ADNP2: variants seen among roughly 807,000 people sequenced by gnomAD.
The protein encoded by ADNP2 is activity-dependent neuroprotector homeobox protein 2.
In ADNP2, 8 loss-of-function variants were observed where a neutral mutation model predicts 16.4. The ratio of observed to expected loss-of-function variants is 0.49; its 90% CI spans 0.29 to 0.88. ADNP2 has a LOEUF of 0.88. ADNP2 is among the 40% of genes least tolerant of loss of function. The pLI, the probability that ADNP2 is intolerant of heterozygous loss-of-function variation, is 0.09. For missense variants in ADNP2, 1,397 were observed against 1,395.1 expected, an observed-to-expected ratio of 1.00 and a Z score of -0.02; for synonymous variants, 637 against 545.8, an observed-to-expected ratio of 1.17 and a Z score of -2.33.
Position 80,137,306 on chromosome 18 carries a change from T to A in ADNP2, c.1893T>A (p.Leu631=), listed in dbSNP as rs140555226. ...CTCTGCCGGTTCCCCCTGGAGGCCTTGCGACTGTCGCTCCGCCCCAGATGC... is the reference window on the plus strand; with the variant it reads ...CTCTGCCGGTTCCCCCTGGAGGCCTAGCGACTGTCGCTCCGCCCCAGATGC... ...SVTLPVPPGG[L]ATVAPPQMPI... The change falls in exon 4 of 4, where the codon CTT becomes CTA. Residue 631 remains leucine (L), a synonymous_variant. Transcript: ENST00000262198. The surrounding 1 kb of genome is among the most constrained non-coding windows in gnomAD (Gnocchi z 4.2). 12 of 1,613,822 alleles carry A rather than the reference T, an allele frequency of 7.4e-6. No homozygotes were observed. The African/African-American group carries it at 8.0e-5, about 11-fold the overall frequency.
At chr18:80,125,568 G>A (rs2052452803) in intron 2 of ADNP2, among the ~76,000 whole-genome samples, 1 of 152,120 alleles carries the variant, frequency 6.6e-6, no homozygotes, top group Admixed American at 6.6e-5. Flanking sequence ...GCGTGAACCT[G>A]GGAGGTGGAG....
chr18:80,129,807 G>A (rs2052484561), intron 2 of ADNP2, among the ~76,000 whole-genome samples: 1 of 152,224 alleles, frequency 6.6e-6, no homozygotes, highest in African/African-American at 2.4e-5. Context: ...AACACCTGTT[G>A]ATGATCCTGG....
intron 1 of ADNP2, among the ~76,000 whole-genome samples, chr18:80,115,391 C>T (rs1339920253): frequency 6.6e-6 from 1 of 152,084 alleles, no homozygotes; most frequent in Non-Finnish European, 1.5e-5. Context: ...CAGGTTTGAG[C>T]CCTAGTTGTG....
Position 80,137,065 on chromosome 18 carries a change from C to G in ADNP2, c.1652C>G (p.Ser551Trp). 1 of 1,614,118 alleles carries G rather than the reference C, an allele frequency of 6.2e-7. No individual in the cohort carries two copies. The highest frequency in any genetic ancestry group is 8.5e-7 in the Non-Finnish European group (1 of 1,180,020). ...CTGCAGCTTAGTCAGCCTGTTGTGT[C>G]GGGAGTTCTTCCTGTGGGCCAGCCA... ...GVLQLSQPVV[S>W]GVLPVGQPVR... Residue 551 changes from serine to tryptophan, a missense_variant, in exon 4 of 4, where the codon TCG becomes TGG. Ser to Trp is a radical substitution (Grantham distance 177). Around this residue, in one of 3 missense-constraint regions of ADNP2, gnomAD observed 777 missense variants for 719.4 expected, o/e 1.08. Transcript: ENST00000262198. The surrounding 1 kb of genome is among the most constrained non-coding windows in gnomAD (Gnocchi z 4.2).
intron 2 of ADNP2, among the ~76,000 whole-genome samples, chr18:80,124,833 A>G (rs943686596): frequency 1.3e-5 from 2 of 152,180 alleles, no homozygotes; most frequent in Admixed American, 6.5e-5. Context: ...ATTTCAGGGT[A>G]ATGGTTTATG....
intron 1 of ADNP2, among the ~76,000 whole-genome samples, chr18:80,116,279 A>G (rs554334570): frequency 5.3e-5 from 8 of 152,298 alleles, no homozygotes; most frequent in Non-Finnish European, 1.0e-4. Context: ...TTATTTATCA[A>G]ATGCCCCAAT....
chr18:80,136,748 G>A lies in ADNP2; in HGVS notation c.1335G>A (p.Pro445=), dbSNP rs771938083. ...TGCTTTCTGTGAGTCGGGCGGTCCC[G>A]TCTGGAGTCCTTCCTGCAGGCCAGA... ...PGVLSVSRAV[P]SGVLPAGQMT... is the part of the protein sequence containing the mutation. Residue 445 remains proline (P), a synonymous_variant, in exon 4 of 4, where the codon CCG becomes CCA. Coordinates refer to ENST00000262198, the MANE Select transcript of ADNP2 (RefSeq NM_014913.4). 59 of 1,611,970 alleles carry A rather than the reference G, an allele frequency of 3.7e-5. No individual in the cohort carries two copies. The highest frequency in any genetic ancestry group is 1.6e-4 in the Middle Eastern group (1 of 6,078).
chr18:80,134,448 T>G (rs184397806), intron 3 of ADNP2, among the ~76,000 whole-genome samples: 1 of 151,220 alleles, frequency 6.6e-6, no homozygotes, highest in Admixed American at 6.6e-5. Flanking sequence ...CACACAGATT[T>G]AGGAAAGGAT....
chr18:80,110,152 A>G (rs11662458), intron 1 of ADNP2: 64,090 of 152,142 alleles, frequency 0.42, 14,740 homozygotes, highest in African/African-American at 0.6. Flanking sequence ...TAATTGATAT[A>G]CAGATGTTGA....
intron 2 of ADNP2, among the ~76,000 whole-genome samples, chr18:80,130,050 C>T (rs1415560333): frequency 6.6e-6 from 1 of 152,294 alleles, no homozygotes; most frequent in Middle Eastern, 3.4e-3. Flanking sequence ...AATGGTGATT[C>T]GTGAAATGCC....
At position 80,138,121 on chromosome 18, in the gene ADNP2, C is replaced by CA; in HGVS notation, c.2709dup (p.Val904SerfsTer57). On this transcript the variant is annotated frameshift_variant, in exon 4 of 4. Transcript: ENST00000262198. LOFTEE classifies it low-confidence loss of function (END_TRUNC). Reference sequence around the variant, plus strand: ...AAGGAGAGGCACCACATCATGCCCACAGTCCACACGGTCCTGAAGTCTCCC... The same window carrying CA: ...AAGGAGAGGCACCACATCATGCCCACAAGTCCACACGGTCCTGAAGTCTCCC... 1 of 1,614,086 alleles carries CA rather than the reference C, an allele frequency of 6.2e-7. No individual in the cohort carries two copies. The highest frequency in any genetic ancestry group is 8.5e-7 in the Non-Finnish European group (1 of 1,180,044).
chr18:80,131,375 A>AACTC (rs1230071718), intron 2 of ADNP2, among the ~76,000 whole-genome samples: 35 of 152,316 alleles, frequency 2.3e-4, no homozygotes, highest in Admixed American at 2.2e-3. Flanking sequence ...TAGCAAGTGT[A>AACTC]ACTTTTTGAG....
chr18:80,128,804 A>G (rs1337833517), intron 2 of ADNP2, among the ~76,000 whole-genome samples: 2 of 152,096 alleles, frequency 1.3e-5, no homozygotes, highest in African/African-American at 4.8e-5. Context: ...TAAAGTAATC[A>G]TTGTTATAAA....
At chr18:80,121,022 T>C (rs1034858779) in intron 2 of ADNP2, among the ~76,000 whole-genome samples, 1 of 152,242 alleles carries the variant, frequency 6.6e-6, no homozygotes, top group Admixed American at 6.5e-5. Flanking sequence ...TTGGGTCATA[T>C]AGTTATTCTG....
chr18:80,124,763 CACCAG>C (rs1418127634), intron 2 of ADNP2, among the ~76,000 whole-genome samples: 3 of 152,190 alleles, frequency 2.0e-5, no homozygotes, highest in African/African-American at 7.2e-5. Flanking sequence ...GGCTGCCAAC[CACCAG>C]TCATCTCATT....
At chr18:80,117,409 T>C in intron 1 of ADNP2, 121 bp from the exon 2 acceptor site, 1 of 551,260 alleles carries the variant, frequency 1.8e-6, no homozygotes, top group East Asian at 3.5e-5. Flanking sequence ...GTTCACTCGT[T>C]CTACAACAAT....
chr18:80,123,261 A>G (rs1258894911), intron 2 of ADNP2, among the ~76,000 whole-genome samples: 3 of 152,306 alleles, frequency 2.0e-5, no homozygotes, highest in African/African-American at 7.2e-5. Flanking sequence ...TGTGTTCATA[A>G]GGAATATTGG....
intron 2 of ADNP2, among the ~76,000 whole-genome samples, chr18:80,132,381 A>G (rs915069514): frequency 6.6e-6 from 1 of 152,186 alleles, no homozygotes; most frequent in African/African-American, 2.4e-5. Context: ...AAACAAGGTA[A>G]GTAGGAAGAT....
intron 2 of ADNP2, among the ~76,000 whole-genome samples, chr18:80,131,768 A>G (rs1356045807): frequency 7.1e-6 from 1 of 141,606 alleles, no homozygotes; most frequent in African/African-American, 2.6e-5. Flanking sequence ...CAAACACTGC[A>G]TGTTCTTACT....
Sources: gnomAD v4.1 joint callset for allele counts (sites outside exome capture counted in the v4.1 genomes callset) on GRCh38, gnomAD v4.1.1 for gene constraint, gnomAD v4.1.1 regional missense constraint, Gnocchi (gnomAD v3.1) non-coding constraint, MANE v1.5 for transcripts, NCBI Gene and HGNC (gene_info 2026-07-23, HGNC 2026-07-21) for gene names.